BLTP1: variants seen among roughly 807,000 people sequenced by gnomAD.
The protein encoded by BLTP1 is fragile site-associated protein.
At chr4:122,201,165 A>G in the BLTP1 span, 10 of 1,472,960 alleles carry the variant, frequency 6.8e-6, no homozygotes, top group Non-Finnish European at 8.4e-6. Context: ...GAGATTTATC[A>G]CAGTGAACTT....
chr4:122,286,512 C>G, the BLTP1 span: 1 of 1,612,580 alleles, frequency 6.2e-7, no homozygotes, highest in Non-Finnish European at 8.5e-7. Flanking sequence ...AACACTAGCA[C>G]AAACAATAAC....
chr4:122,276,588 T>C, the BLTP1 span: 8 of 985,182 alleles, frequency 8.1e-6, no homozygotes, highest in African/African-American at 1.4e-4. Flanking sequence ...CTGGGTGTGT[T>C]CTGGCTTATG....
chr4:122,281,944 C>A, the BLTP1 span: 1 of 983,348 alleles, frequency 1.0e-6, no homozygotes. Flanking sequence ...TATCAATCCC[C>A]CACCCCAAAA....
chr4:122,177,485 GCTTCC>G, the BLTP1 span, among the ~76,000 whole-genome samples: 1 of 152,088 alleles, frequency 6.6e-6, no homozygotes, highest in African/African-American at 2.4e-5. Context: ...TTTTCCCGTG[GCTTCC>G]CATCTCACTC....
chr4:122,318,553 G>A, the BLTP1 span, among the ~76,000 whole-genome samples: 1 of 152,072 alleles, frequency 6.6e-6, no homozygotes, highest in African/African-American at 2.4e-5. Context: ...CTTAGACACT[G>A]TGTTTTGTCT....
the BLTP1 span, chr4:122,210,882 T>A: frequency 1.9e-6 from 3 of 1,611,738 alleles, no homozygotes; most frequent in Admixed American, 3.3e-5. Flanking sequence ...CTTAATTTAT[T>A]ACAGTATCAG....
chr4:122,176,782 G>A, the BLTP1 span, among the ~76,000 whole-genome samples: 6 of 152,042 alleles, frequency 3.9e-5, no homozygotes, highest in South Asian at 2.1e-4. Context: ...ATATTTTGCC[G>A]TAGTTCTTTG....
At chr4:122,166,419 T>A in the BLTP1 span, among the ~76,000 whole-genome samples, 14 of 152,210 alleles carry the variant, frequency 9.2e-5, no homozygotes, top group African/African-American at 3.4e-4. Flanking sequence ...CTCTGTTCCG[T>A]TCCATTGGTC....
chr4:122,357,187 T>A, the BLTP1 span, among the ~76,000 whole-genome samples: 1 of 152,200 alleles, frequency 6.6e-6, no homozygotes, highest in East Asian at 1.9e-4. Context: ...ACATAAATTA[T>A]TTAAATCTCA....
At chr4:122,312,776 C>G in the BLTP1 span, 8 of 758,164 alleles carry the variant, frequency 1.1e-5, no homozygotes, top group East Asian at 1.3e-4. Flanking sequence ...AATGTAATAC[C>G]AAATTACCTA....
At chr4:122,250,234 T>C in the BLTP1 span, 3 of 1,012,366 alleles carry the variant, frequency 3.0e-6, no homozygotes, top group Non-Finnish European at 4.2e-6. Context: ...TACATTACTT[T>C]TATAGATTAG....
chr4:122,189,893 G>GTT, the BLTP1 span: 1 of 1,449,836 alleles, frequency 6.9e-7, no homozygotes, highest in South Asian at 1.5e-5. Context: ...GTGCTTGTTA[G>GTT]TTTTTTTTTC....
At chr4:122,302,237 T>C in the BLTP1 span, 2 of 978,742 alleles carry the variant, frequency 2.0e-6, no homozygotes, top group African/African-American at 1.7e-5. Context: ...AAAAAATTGC[T>C]ACTAACACGA....
the BLTP1 span, chr4:122,353,856 T>C: frequency 6.2e-7 from 1 of 1,613,754 alleles, no homozygotes; most frequent in Admixed American, 1.7e-5. The surrounding 1 kb of genome is among the most constrained non-coding windows in gnomAD (Gnocchi z 4.3). Flanking sequence ...ACACTAGATT[T>C]TCACCTGGGT....
chr4:122,336,806 A>G, the BLTP1 span: 4 of 1,453,822 alleles, frequency 2.8e-6, no homozygotes, highest in South Asian at 4.1e-5. Context: ...TCACTCTAGT[A>G]TAAACAATAA....
chr4:122,174,382 C>G, the BLTP1 span: 1 of 967,940 alleles, frequency 1.0e-6, no homozygotes, highest in Non-Finnish European at 1.2e-6. Flanking sequence ...TCATAGTGAT[C>G]ATATGTATGG....
chr4:122,240,188 T>TTA, the BLTP1 span: 1 of 1,614,122 alleles, frequency 6.2e-7, no homozygotes, highest in Non-Finnish European at 8.5e-7. Context: ...TGATGAATTG[T>TTA]TATCAGACTT....
At chr4:122,250,701 C>A in the BLTP1 span, 2 of 939,490 alleles carry the variant, frequency 2.1e-6, no homozygotes, top group Non-Finnish European at 1.6e-6. Flanking sequence ...TTTATGATAT[C>A]TGCTTAAATG....
chr4:122,263,549 G>T, the BLTP1 span: 1 of 1,613,066 alleles, frequency 6.2e-7, no homozygotes, highest in Non-Finnish European at 8.5e-7. Context: ...TCGAGGAAGT[G>T]TGTTACAAGA....
Sources: gnomAD v4.1 joint callset for allele counts (sites outside exome capture counted in the v4.1 genomes callset) on GRCh38, gnomAD v4.1.1 for gene constraint, Gnocchi (gnomAD v3.1) non-coding constraint, MANE v1.5 for transcripts, NCBI Gene and HGNC (gene_info 2026-07-23, HGNC 2026-07-21) for gene names.